Variants in NOS1 observed in about 807,000 individuals in gnomAD.
The protein encoded by NOS1 is NOS type I.
In NOS1, 51 loss-of-function variants were observed where a neutral mutation model predicts 164.5. The ratio of observed to expected loss-of-function variants is 0.31; its 90% confidence interval spans 0.25 to 0.39. The LOEUF (loss-of-function observed/expected upper bound fraction) is 0.39. Among genes scored for constraint, NOS1 ranks in the 10% least tolerant of loss-of-function variants. The pLI is 1.00. For missense variants in NOS1, 1,362 were observed against 1,885.6 expected (o/e 0.72, Z 5.14); for synonymous variants, 719 against 745.8 (o/e 0.96, Z 0.59).
At chr12:117,346,118 G>A (rs182210037) in intron 1 of NOS1, among the ~76,000 whole-genome samples, 32 of 152,360 alleles carry the variant, frequency 2.1e-4, no homozygotes, top group African/African-American at 4.1e-4. Flanking sequence ...GCAGGGAGGT[G>A]ATGGCATGGC....
chr12:117,266,534 T>C (rs1000113648), intron 11 of NOS1, among the ~76,000 whole-genome samples: 10 of 151,966 alleles, frequency 6.6e-5, no homozygotes, highest in Non-Finnish European at 1.2e-4. Flanking sequence ...TTAGGTTTTT[T>C]TTTTCTTTTC....
intron 17 of NOS1, among the ~76,000 whole-genome samples, chr12:117,250,963 C>T (rs1281368589): frequency 1.3e-5 from 2 of 152,210 alleles, no homozygotes; most frequent in African/African-American, 4.8e-5. Context: ...CTCACTAGCT[C>T]ATCACTCCTA....
At chr12:117,341,728 A>G (rs947560351) in intron 1 of NOS1, among the ~76,000 whole-genome samples, 1 of 152,180 alleles carries the variant, frequency 6.6e-6, no homozygotes, top group Admixed American at 6.5e-5. Context: ...ATTTGGAGCT[A>G]GAAAAACCAG....
intron 11 of NOS1, among the ~76,000 whole-genome samples, chr12:117,267,318 G>C (rs1343597684): frequency 1.3e-5 from 2 of 152,206 alleles, no homozygotes; most frequent in Non-Finnish European, 2.9e-5. Flanking sequence ...GGCCAGGCGT[G>C]ATTCACGCCT....
intron 3 of NOS1, among the ~76,000 whole-genome samples, chr12:117,305,478 AG>A (rs1407545706): frequency 1.3e-5 from 2 of 151,552 alleles, no homozygotes; most frequent in Non-Finnish European, 2.9e-5. Flanking sequence ...AAAAAAAAAA[AG>A]AAGCTGATTC....
chr12:117,285,062 A>T (rs1487787439), intron 7 of NOS1, among the ~76,000 whole-genome samples, 179 bp downstream of exon 7: 2 of 132,578 alleles, frequency 1.5e-5, no homozygotes, highest in Non-Finnish European at 3.3e-5. Flanking sequence ...AAAAAAAAAT[A>T]AATAAATAAA....
At chr12:117,323,097 T>C (rs1875068027) in intron 2 of NOS1, among the ~76,000 whole-genome samples, 1 of 152,186 alleles carries the variant, frequency 6.6e-6, no homozygotes, top group Non-Finnish European at 1.5e-5. Flanking sequence ...TACCCAGCCT[T>C]TTATTCTGAG....
intron 3 of NOS1, among the ~76,000 whole-genome samples, chr12:117,292,369 G>A (rs781027906): frequency 6.6e-6 from 1 of 152,106 alleles, no homozygotes. Flanking sequence ...TGGAGTGTAT[G>A]CATGAGGGCA....
In NOS1 at chr12:117,283,571, A is replaced by G. The variant is rs187917457; in HGVS notation, c.1382+1670T>C. ...CAGAGCCCCATTTGAAAACTACCAG[A>G]AGAGACTAGGCGTGGTGGCTCACAC... is the stretch of plus-strand genomic sequence containing the variant. On this transcript the variant is annotated intron_variant, in intron 7 of 28. Coordinates refer to ENST00000317775, the MANE Select transcript of NOS1 (RefSeq NM_000620.5). Among the ~76,000 whole-genome samples, 447 of 152,258 alleles carry G rather than the reference A, an allele frequency of 2.9e-3. 3 individuals are homozygous for G. Among genetic ancestry groups the G allele is most frequent in the South Asian group, 0.013 (62 of 4,822 alleles).
chr12:117,241,422 T>C lies in NOS1; in HGVS notation c.3041+1205A>G, dbSNP rs113673106. Among the ~76,000 whole-genome samples the C allele has an allele frequency of 8.6e-5, 13 of 151,726 alleles. 2 individuals carry two copies. The highest frequency in any genetic ancestry group is 2.7e-4 in the African/African-American group (11 of 41,438). ...TTCCCAGAGCAGCAAGGGGGTCCTA[T>C]GGCACTTTGCAATGATTGGAAAACA... On this transcript the variant is annotated intron_variant, in intron 20 of 28. Transcript: ENST00000317775.
Position 117,243,098 on chromosome 12 carries a change from TAG to T in NOS1, c.2962+197_2962+198del, listed in dbSNP as rs1488802683. ...GGTTTGGAAGAACACAGTACATTAC[TAG>T]AGAGAGAGAGGGAAACATTTACCAG... On this transcript the variant is annotated intron_variant, in intron 19 of 28. Transcript: ENST00000317775. This position sits in a 1 kb window ranked among gnomAD's most constrained non-coding sequence, Gnocchi z 4.3. Among the ~76,000 whole-genome samples the T allele has an allele frequency of 3.3e-5, 5 of 151,890 alleles. No homozygotes were observed. The highest frequency in any genetic ancestry group is 2.1e-4 in the South Asian group (1 of 4,812).
intron 5 of NOS1, among the ~76,000 whole-genome samples, chr12:117,287,034 G>T (rs1402907997): frequency 4.6e-5 from 7 of 152,128 alleles, no homozygotes. Flanking sequence ...GGCCAACATG[G>T]CAAAACTCTG....
intron 21 of NOS1, among the ~76,000 whole-genome samples, chr12:117,232,659 G>A (rs1869341361): frequency 6.7e-6 from 1 of 150,284 alleles, no homozygotes; most frequent in Non-Finnish European, 1.5e-5. Context: ...TAAGAAATTT[G>A]CCCGAGATCA....
At chr12:117,312,056 T>G (rs1190055759) in intron 2 of NOS1, among the ~76,000 whole-genome samples, 1 of 152,126 alleles carries the variant, frequency 6.6e-6, no homozygotes, top group Non-Finnish European at 1.5e-5. Flanking sequence ...GGGTAATAAG[T>G]TATTCTGACC....
chr12:117,357,652 T>A (rs991928521), intron 1 of NOS1, among the ~76,000 whole-genome samples: 1 of 152,160 alleles, frequency 6.6e-6, no homozygotes, highest in Admixed American at 6.5e-5. Context: ...TGGAGCAACC[T>A]TGTTAAAAAT....
At chr12:117,226,396 G>A (rs1215722487) in intron 24 of NOS1, among the ~76,000 whole-genome samples, 3 of 152,164 alleles carry the variant, frequency 2.0e-5, no homozygotes, top group African/African-American at 7.2e-5. Flanking sequence ...TGAAGGTGGA[G>A]ACTGTATTTG....
chr12:117,209,074 C>T lies in NOS1; in HGVS notation c.*6235G>A, dbSNP rs2135905758. ...CCCTCCCCATGCCCCCTCCCCCGGA[C>T]ACCCTCAAATCCCACTTTGGCAGCA... On this transcript the variant is annotated 3_prime_UTR_variant, in exon 29 of 29. Coordinates refer to ENST00000317775, the MANE Select transcript of NOS1 (RefSeq NM_000620.5). The T allele has an allele frequency of 2.0e-6, 2 of 985,292 alleles. No individual in the cohort carries two copies. Among genetic ancestry groups the T allele is most frequent in the Non-Finnish European group, 2.4e-6 (2 of 829,920 alleles). 61.0% of individuals were successfully genotyped at this position (985,292 alleles called of 1,614,324 possible).
At chr12:117,350,222 C>A (rs530791040) in intron 1 of NOS1, among the ~76,000 whole-genome samples, 10 of 152,258 alleles carry the variant, frequency 6.6e-5, no homozygotes, top group African/African-American at 2.4e-4. Flanking sequence ...ATCTATGAAC[C>A]TTTTGTGCTT....
Position 117,212,833 on chromosome 12 carries a change from A to C in NOS1, c.*2476T>G. On this transcript the variant is annotated 3_prime_UTR_variant, in exon 29 of 29. Transcript: ENST00000317775. Reference sequence around the variant, plus strand: ...TCTGGACTCCACTCTGGTCCTTGAGAGGTTACTCAACAGAGAGAGAGGCTT... The same window carrying C: ...TCTGGACTCCACTCTGGTCCTTGAGCGGTTACTCAACAGAGAGAGAGGCTT... The C allele has an allele frequency of 2.0e-6, 2 of 985,436 alleles. No homozygotes were observed. The highest frequency in any genetic ancestry group is 2.4e-6 in the Non-Finnish European group (2 of 829,944). The allele number at this position is 985,436 out of a possible 1,614,324, so 61.0% of individuals were successfully genotyped here. A position where few individuals can be genotyped will look rare whatever the true frequency, so the allele number is the denominator to read the frequency against.
Sources: gnomAD v4.1 joint callset for allele counts (sites outside exome capture counted in the v4.1 genomes callset) on GRCh38, gnomAD v4.1.1 for gene constraint, Gnocchi (gnomAD v3.1) non-coding constraint, MANE v1.5 for transcripts, NCBI Gene and HGNC (gene_info 2026-07-23, HGNC 2026-07-21) for gene names.